Variants in ADARB1 observed in about 807,000 individuals in gnomAD.
ADARB1 encodes the protein double-stranded RNA-specific editase 1.
Under a neutral mutation model 52.4 loss-of-function variants are expected in ADARB1, and 10 were observed. That is an observed-to-expected ratio of 0.19 (90% CI 0.12 to 0.32). ADARB1 has a LOEUF of 0.32. ADARB1 is among the 10% of genes least tolerant of loss of function. The probability of loss-of-function intolerance (pLI) is 1.00; values close to 1 mark genes in which losing one functional copy is unlikely to be tolerated. For missense variants in ADARB1, 643 were observed against 922.3 expected, an observed-to-expected ratio of 0.70 and a Z score of 3.92; for synonymous variants, 349 against 371.1, an observed-to-expected ratio of 0.94 and a Z score of 0.68.
chr21:45,093,393 A>G (rs550489226), intron 1 of ADARB1, among the ~76,000 whole-genome samples: 7 of 152,264 alleles, frequency 4.6e-5, no homozygotes, highest in East Asian at 1.9e-4. Context: ...GACTGCTCCC[A>G]TTGGCAGGTT....
At chr21:45,160,598 A>C (rs972674946) in intron 2 of ADARB1, among the ~76,000 whole-genome samples, 9 of 152,256 alleles carry the variant, frequency 5.9e-5, no homozygotes, top group African/African-American at 2.2e-4. Flanking sequence ...AATTAAATAT[A>C]AGCAGCATGT....
intron 2 of ADARB1, among the ~76,000 whole-genome samples, chr21:45,136,404 A>G (rs1246010178): frequency 2.6e-5 from 4 of 152,162 alleles, no homozygotes; most frequent in African/African-American, 9.7e-5. Flanking sequence ...CTACAGATAC[A>G]CCAGATTTAG....
rs1296984142 is a variant in ADARB1, at chr21:45,172,609, G to T, written c.28+925G>T. On this transcript the variant is annotated intron_variant, in intron 3 of 10. Coordinates refer to ENST00000348831, the MANE Select transcript of ADARB1 (RefSeq NM_001112.4). This position sits in a 1 kb window ranked among gnomAD's most constrained non-coding sequence, Gnocchi z 4.4. ...TCTGCATGGTATTGATTTCTGCATGGTATTGATTTCTGCGTGGTATTGCTG... is the reference window on the plus strand; with the variant it reads ...TCTGCATGGTATTGATTTCTGCATGTTATTGATTTCTGCGTGGTATTGCTG... Among the ~76,000 whole-genome samples the T allele has an allele frequency of 6.6e-6, 1 of 152,190 alleles. No homozygotes were observed. Among genetic ancestry groups the T allele is most frequent in the Non-Finnish European group, 1.5e-5 (1 of 68,042 alleles).
chr21:45,077,217 A>G (rs921302999), intron 1 of ADARB1, among the ~76,000 whole-genome samples: 1 of 152,270 alleles, frequency 6.6e-6, no homozygotes, highest in Non-Finnish European at 1.5e-5. Flanking sequence ...TGCTGTGATT[A>G]GCTCTGTGAT....
Position 45,123,689 on chromosome 21 carries a change from C to T in ADARB1, c.-219-4713C>T, listed in dbSNP as rs552025124. ...GATTATGGCTCACTGCAGCCTTGAA[C>T]TCCCAGGTTCAAACAGTCCTCCCGC... On this transcript the variant is annotated intron_variant, in intron 1 of 10. Transcript: ENST00000348831. Among the ~76,000 whole-genome samples the T allele has an allele frequency of 3.3e-5, 5 of 152,270 alleles. No homozygotes were observed. In the South Asian group the frequency reaches 1.0e-3, roughly 32 times the overall value.
chr21:45,109,637 T>C (rs1434596668), intron 1 of ADARB1, among the ~76,000 whole-genome samples: 1 of 152,234 alleles, frequency 6.6e-6, no homozygotes, highest in African/African-American at 2.4e-5. Flanking sequence ...TCCTGGCATG[T>C]AGAAGGCCCT....
chr21:45,106,413 C>T lies in ADARB1; in HGVS notation c.-219-21989C>T, dbSNP rs147679073. Among the ~76,000 whole-genome samples, 24 of 152,232 alleles carry T rather than the reference C, an allele frequency of 1.6e-4. No individual in the cohort carries two copies. In the East Asian group the frequency reaches 3.5e-3, roughly 22 times the overall value. ...CATGTCTCTAAGGCCATCCTAAATA[C>T]GTGACCTGGAGAGAGAGGGGGTGGC... On this transcript the variant is annotated intron_variant, in intron 1 of 10. Transcript: ENST00000348831.
intron 1 of ADARB1, among the ~76,000 whole-genome samples, chr21:45,096,134 TG>T (rs889770050): frequency 2.0e-5 from 3 of 152,248 alleles, no homozygotes; most frequent in Non-Finnish European, 4.4e-5. Context: ...CGAGCATGGC[TG>T]GGGGCAAGCC....
chr21:45,133,086 C>T (rs2089057249), intron 2 of ADARB1, among the ~76,000 whole-genome samples: 1 of 152,262 alleles, frequency 6.6e-6, no homozygotes, highest in Non-Finnish European at 1.5e-5. Flanking sequence ...GTGAGCCTGG[C>T]TCGTTTCCCT....
chr21:45,087,319 A>G (rs918295105), intron 1 of ADARB1, among the ~76,000 whole-genome samples: 1 of 152,254 alleles, frequency 6.6e-6, no homozygotes, highest in Admixed American at 6.5e-5. Flanking sequence ...CCACACAACC[A>G]CATCCACTGT....
chr21:45,151,648 G>C (rs915856992), intron 2 of ADARB1, among the ~76,000 whole-genome samples: 6 of 152,146 alleles, frequency 3.9e-5, no homozygotes, highest in Non-Finnish European at 5.9e-5. Flanking sequence ...TATCTCCCTG[G>C]GGCCTGAACA....
At chr21:45,178,664 T>G (rs1467398195) in intron 4 of ADARB1, among the ~76,000 whole-genome samples, 1 of 152,188 alleles carries the variant, frequency 6.6e-6, no homozygotes, top group Non-Finnish European at 1.5e-5. Context: ...GAGTAACCCT[T>G]GAAGGACGTA....
intron 1 of ADARB1, among the ~76,000 whole-genome samples, chr21:45,096,606 A>G (rs2086771467): frequency 6.6e-6 from 1 of 152,136 alleles, no homozygotes; most frequent in Non-Finnish European, 1.5e-5. Flanking sequence ...TCTTGTCCCC[A>G]TGTACTTCCT....
At chr21:45,211,375 A>C (rs912217161) in intron 9 of ADARB1, among the ~76,000 whole-genome samples, 3 of 152,068 alleles carry the variant, frequency 2.0e-5, no homozygotes, top group Non-Finnish European at 2.9e-5. Flanking sequence ...TTTTCCTTAT[A>C]CTGTAACTTA....
chr21:45,150,991 C>T (rs759917221), intron 2 of ADARB1, among the ~76,000 whole-genome samples: 4 of 152,274 alleles, frequency 2.6e-5, no homozygotes, highest in Middle Eastern at 3.4e-3. Flanking sequence ...AGTCCTCTGT[C>T]CCTGGGTCAT....
At chr21:45,140,581 C>T (rs949454774) in intron 2 of ADARB1, among the ~76,000 whole-genome samples, 2 of 152,062 alleles carry the variant, frequency 1.3e-5, no homozygotes, top group African/African-American at 2.4e-5. Context: ...GCGTTCTGAG[C>T]GGTGGCCACC....
At chr21:45,107,022 G>A (rs972714480) in intron 1 of ADARB1, among the ~76,000 whole-genome samples, 1 of 152,188 alleles carries the variant, frequency 6.6e-6, no homozygotes, top group Admixed American at 6.5e-5. Context: ...GAAAACCCTA[G>A]AGCAGTCCTG....
rs779755980 is a variant in ADARB1, at chr21:45,176,660, C to T, written c.959C>T (p.Pro320Leu). The T allele has an allele frequency of 1.2e-6, 2 of 1,605,048 alleles. No homozygotes were observed. Among genetic ancestry groups the T allele is most frequent in the African/African-American group, 1.3e-5 (1 of 74,536 alleles). The change falls in exon 4 of 11, where the codon CCG becomes CTG. Residue 320 changes from proline (P) to leucine (L), a missense_variant. Pro to Leu is a moderately conservative substitution (Grantham distance 98). Transcript: ENST00000348831. This position sits in a 1 kb window ranked among gnomAD's most constrained non-coding sequence, Gnocchi z 5.8. ...IPSEGLQLHL[P>L]QVLADAVSRL... ...AGTGAGGGTCTTCAGCTGCATTTAC[C>T]GCAGGTGAGGAACTATGCTGCTGCT...
chr21:45,199,657 A>C (rs113162052), intron 8 of ADARB1, among the ~76,000 whole-genome samples: 23 of 152,276 alleles, frequency 1.5e-4, no homozygotes, highest in African/African-American at 5.3e-4. Flanking sequence ...GGCACAGAAA[A>C]CCCCAATTAT....
Sources: gnomAD v4.1 joint callset for allele counts (sites outside exome capture counted in the v4.1 genomes callset) on GRCh38, gnomAD v4.1.1 for gene constraint, Gnocchi (gnomAD v3.1) non-coding constraint, MANE v1.5 for transcripts, NCBI Gene and HGNC (gene_info 2026-07-23, HGNC 2026-07-21) for gene names.